ANXA3: variants seen among roughly 807,000 people sequenced by gnomAD.
The protein encoded by ANXA3 is annexin A3.
In ANXA3, 46 loss-of-function variants were observed where a neutral mutation model predicts 48.8. The observed-to-expected ratio is 0.94, with a 90% CI of 0.74 to 1.21. The LOEUF (loss-of-function observed/expected upper bound fraction) is 1.21. ANXA3 is among the 50% of genes most tolerant of loss of function. The probability of loss-of-function intolerance (pLI) is 0.00; values close to 1 mark genes in which losing one functional copy is unlikely to be tolerated. For missense variants in ANXA3, 383 were observed against 378.6 expected, an observed-to-expected ratio of 1.01 and a Z score of -0.10; for synonymous variants, 128 against 134.7, an observed-to-expected ratio of 0.95 and a Z score of 0.35.
intron 2 of ANXA3, among the ~76,000 whole-genome samples, chr4:78,565,226 T>TGGTGATCCATCCCAAAGCA (rs1560441234): frequency 3.3e-5 from 5 of 152,116 alleles, no homozygotes; most frequent in Admixed American, 3.3e-4. Flanking sequence ...ACTCCTGACC[T>TGGTGATCCATCCCAAAGCA]CAGGTGATCC....
chr4:78,566,901 A>T (rs4975071), intron 2 of ANXA3, among the ~76,000 whole-genome samples: 83,794 of 152,128 alleles, frequency 0.55, 26,114 homozygotes, highest in Non-Finnish European at 0.71. Context: ...TTTTCTTCAG[A>T]ACTTTGGACA....
chr4:78,569,500 AC>A (rs1722802160), intron 2 of ANXA3, among the ~76,000 whole-genome samples: 1 of 152,078 alleles, frequency 6.6e-6, no homozygotes, highest in African/African-American at 2.4e-5. Flanking sequence ...CATCTTCCAC[AC>A]CCATAAGAGA....
intron 2 of ANXA3, among the ~76,000 whole-genome samples, chr4:78,556,489 T>A (rs1377041058): frequency 1.3e-5 from 2 of 152,124 alleles, no homozygotes; most frequent in Non-Finnish European, 2.9e-5. Flanking sequence ...TATCACCTTC[T>A]GTACTGTTTG....
At chr4:78,576,025 C>T (rs901571138) in intron 3 of ANXA3, among the ~76,000 whole-genome samples, 7 of 151,926 alleles carry the variant, frequency 4.6e-5, no homozygotes, top group African/African-American at 1.7e-4. Flanking sequence ...TTTATGCTTC[C>T]CTATTTTTCT....
intron 5 of ANXA3, among the ~76,000 whole-genome samples, chr4:78,585,128 C>G (rs369279113): frequency 6.6e-6 from 1 of 152,236 alleles, no homozygotes; most frequent in Non-Finnish European, 1.5e-5. Context: ...TAACTGCGTT[C>G]TTTGCAGCTG....
intron 12 of ANXA3, among the ~76,000 whole-genome samples, chr4:78,606,358 G>C (rs913760347): frequency 6.6e-6 from 1 of 152,170 alleles, no homozygotes; most frequent in Non-Finnish European, 1.5e-5. Context: ...TGGGAATGGA[G>C]TCCATGCTGA....
intron 6 of ANXA3, among the ~76,000 whole-genome samples, 186 bp from the exon 7 acceptor site, chr4:78,591,358 G>A (rs1467800788): frequency 6.6e-6 from 1 of 152,160 alleles, no homozygotes; most frequent in Non-Finnish European, 1.5e-5. Context: ...ACAACACAGT[G>A]CAGTAAGAGT....
chr4:78,582,453 C>T (rs1308612610), intron 5 of ANXA3, 163 bp downstream of exon 5: 1 of 519,782 alleles, frequency 1.9e-6, no homozygotes, highest in Non-Finnish European at 3.5e-6. Context: ...GCTATAGAAC[C>T]TTAAGCCCAA....
At chr4:78,582,391 C>A in intron 5 of ANXA3, 101 bp downstream of exon 5, 1 of 747,420 alleles carries the variant, frequency 1.3e-6, no homozygotes, top group Non-Finnish European at 2.3e-6. Context: ...GACTTGGATG[C>A]CCTTTTGGTC....
chr4:78,573,315 C>A (rs756058024), intron 3 of ANXA3, 48 bp downstream of exon 3: 1 of 1,396,774 alleles, frequency 7.2e-7, no homozygotes, highest in Admixed American at 1.7e-5. Context: ...GCAAATCAGG[C>A]AAGTTACAAT....
At chr4:78,598,131 G>A (rs560696504) in intron 10 of ANXA3, among the ~76,000 whole-genome samples, 2 of 151,798 alleles carry the variant, frequency 1.3e-5, no homozygotes, top group African/African-American at 2.4e-5. Flanking sequence ...AGGAGTTCAA[G>A]GCCAGTTTGG....
chr4:78,576,654 T>G (rs1722961897), intron 3 of ANXA3, among the ~76,000 whole-genome samples: 1 of 152,208 alleles, frequency 6.6e-6, no homozygotes, highest in African/African-American at 2.4e-5. Flanking sequence ...TAATAGTCTT[T>G]AAATTCTGTC....
At chr4:78,560,644 A>C (rs1496589) in intron 2 of ANXA3, among the ~76,000 whole-genome samples, 123,314 of 152,208 alleles carry the variant, frequency 0.81, 50,038 homozygotes, top group East Asian at 0.88. Context: ...TGAACTCAAT[A>C]TCCAGCCCCT....
chr4:78,601,995 C>T (rs141597020), intron 11 of ANXA3: 4,334 of 154,112 alleles, frequency 0.028, 221 homozygotes, highest in African/African-American at 0.099. Context: ...GTAATCCCAG[C>T]ATTTTAGGAG....
At chr4:78,590,896 T>G (rs1418063490) in intron 6 of ANXA3, among the ~76,000 whole-genome samples, 1 of 152,176 alleles carries the variant, frequency 6.6e-6, no homozygotes, top group Non-Finnish European at 1.5e-5. Flanking sequence ...GTATGACAGC[T>G]ACTCAAAGCT....
chr4:78,587,788 T>G (rs908400656), intron 6 of ANXA3, among the ~76,000 whole-genome samples: 3 of 152,116 alleles, frequency 2.0e-5, no homozygotes, highest in Non-Finnish European at 4.4e-5. Context: ...ACAGATAGAA[T>G]GTAATATAAA....
At chr4:78,568,709 A>G (rs1269977332) in intron 2 of ANXA3, among the ~76,000 whole-genome samples, 1 of 152,250 alleles carries the variant, frequency 6.6e-6, no homozygotes, top group African/African-American at 2.4e-5. Flanking sequence ...GGCTTTTGTG[A>G]GTCAAAAACA....
At chr4:78,590,725 T>C (rs1329612502) in intron 6 of ANXA3, among the ~76,000 whole-genome samples, 2 of 151,992 alleles carry the variant, frequency 1.3e-5, no homozygotes, top group Non-Finnish European at 2.9e-5. Context: ...ATGTTTTGGG[T>C]AGCTTTCTTA....
At chr4:78,591,717 G>A (rs931140316) in intron 7 of ANXA3, 94 bp downstream of exon 7, 2 of 861,536 alleles carry the variant, frequency 2.3e-6, no homozygotes, top group East Asian at 4.9e-5. Flanking sequence ...CTGAGACAAT[G>A]AGTTCACAAT....
Sources: allele counts gnomAD v4.1 joint callset (sites outside exome capture counted in the v4.1 genomes callset), GRCh38; gene constraint gnomAD v4.1.1; transcripts MANE v1.5; gene names NCBI Gene and HGNC (gene_info 2026-07-23, HGNC 2026-07-21).